Variants in HDAC8 observed in about 807,000 individuals in gnomAD.
The protein encoded by HDAC8 is histone deacetylase-like 1.
In HDAC8, 1 loss-of-function variant was observed where a neutral mutation model predicts 32.2. That is an observed-to-expected ratio of 0.03 (90% CI 0.01 to 0.15). HDAC8 has a LOEUF of 0.15. Among genes scored for constraint, HDAC8 ranks in the 10% least tolerant of loss-of-function variants. The pLI is 1.00. For synonymous variants in HDAC8, 108 were observed against 113.9 expected (o/e 0.95, Z 0.33); for missense variants, 117 against 300.0 (o/e 0.39, Z 4.51).
chrX:72,539,039 G>A (rs1025984925), intron 4 of HDAC8, among the ~76,000 whole-genome samples: 1 of 111,153 alleles, frequency 9.0e-6, no homozygotes, highest in Admixed American at 9.5e-5. Flanking sequence ...TCTGGGGACA[G>A]AAAAAGGACA....
chrX:72,475,774 A>G (rs1556000258), intron 7 of HDAC8, among the ~76,000 whole-genome samples: 1 of 111,876 alleles, frequency 8.9e-6, no homozygotes, highest in East Asian at 2.8e-4. Flanking sequence ...TGAAAGAAAA[A>G]AAAACAAATC....
chrX:72,535,315 T>C (rs1017009161), intron 4 of HDAC8, among the ~76,000 whole-genome samples: 6 of 111,695 alleles, frequency 5.4e-5, no homozygotes, highest in Non-Finnish European at 1.1e-4. Flanking sequence ...GTGAGAGGCA[T>C]ACCAGAGATA....
At chrX:72,386,882 G>A (rs1006608663) in intron 9 of HDAC8, among the ~76,000 whole-genome samples, 2 of 111,867 alleles carry the variant, frequency 1.8e-5, no homozygotes, top group Non-Finnish European at 3.8e-5. Context: ...CTGAGGGAAT[G>A]CGAAGTGGAG....
chrX:72,509,535 GATT>G (rs2049506386), intron 4 of HDAC8, among the ~76,000 whole-genome samples: 1 of 112,031 alleles, frequency 8.9e-6, no homozygotes, highest in African/African-American at 3.2e-5. Flanking sequence ...ACATAAAGTG[GATT>G]ATTATTCCGC....
chrX:72,420,274 T>C (rs1656561595), intron 9 of HDAC8, among the ~76,000 whole-genome samples: 1 of 111,806 alleles, frequency 8.9e-6, no homozygotes, highest in Admixed American at 9.5e-5. Context: ...ATCTCTTTAT[T>C]TGTTATAGAT....
Position 72,330,039 on chromosome X carries a change from ATC to A in HDAC8, c.*13_*14del, listed in dbSNP as rs2043472260. 8.3e-7 allele frequency: 1 copy of A among 1,200,731 alleles called. No homozygotes were observed. The highest frequency in any genetic ancestry group is 1.8e-5 in the African/African-American group (1 of 57,003). On this transcript the variant is annotated 3_prime_UTR_variant, in exon 11 of 11. Coordinates refer to ENST00000373573, the MANE Select transcript of HDAC8 (RefSeq NM_018486.3). The stretch of plus-strand genomic sequence containing the variant: ...ACCACTCCTCAGCTCTGGAAACCTG[ATC>A]TCTTTCTGTCAACTAGACCACATGC...
intron 9 of HDAC8, among the ~76,000 whole-genome samples, chrX:72,404,401 A>G (rs2045983780): frequency 9.0e-6 from 1 of 111,436 alleles, no homozygotes; most frequent in African/African-American, 3.3e-5. Context: ...CCATGACAAC[A>G]TGACTTGCTA....
At chrX:72,413,294 T>A (rs1162082742) in intron 9 of HDAC8, among the ~76,000 whole-genome samples, 2 of 73,468 alleles carry the variant, frequency 2.7e-5, no homozygotes, top group African/African-American at 5.5e-5. Flanking sequence ...CAGGCCCCGG[T>A]GTGTGATGTT....
intron 9 of HDAC8, among the ~76,000 whole-genome samples, chrX:72,445,742 C>T (rs1319746026): frequency 8.9e-6 from 1 of 111,823 alleles, no homozygotes; most frequent in African/African-American, 3.3e-5. Flanking sequence ...TCAGAGTGAA[C>T]AGTCAACCTA....
intron 5 of HDAC8, 60 bp downstream of exon 5, chrX:72,495,096 C>A: frequency 1.2e-6 from 1 of 816,099 alleles, no homozygotes; most frequent in East Asian, 3.3e-5. Context: ...CTAGAAGCAG[C>A]TTAACTGATA....
chrX:72,547,534 T>C (rs2050900768), intron 4 of HDAC8, among the ~76,000 whole-genome samples: 1 of 110,265 alleles, frequency 9.1e-6, no homozygotes, highest in Admixed American at 9.7e-5. Context: ...CTACTTCCAT[T>C]TCCAAATCTG....
intron 2 of HDAC8, among the ~76,000 whole-genome samples, chrX:72,570,005 T>C (rs140621935): frequency 0.011 from 1,244 of 112,403 alleles, 20 homozygotes; most frequent in African/African-American, 0.038. Flanking sequence ...TGGTTTTAAA[T>C]GTCTGCTGAA....
At chrX:72,342,636 C>T (rs1347965502) in intron 10 of HDAC8, among the ~76,000 whole-genome samples, 2 of 111,978 alleles carry the variant, frequency 1.8e-5, no homozygotes, top group African/African-American at 3.2e-5. Flanking sequence ...GCATGTACTT[C>T]GGGCACACAA....
intron 9 of HDAC8, among the ~76,000 whole-genome samples, chrX:72,402,173 CCTTT>C (rs1396400439): frequency 1.5e-4 from 17 of 110,862 alleles, no homozygotes; most frequent in Middle Eastern, 4.7e-3. Context: ...CTGTTATAAT[CCTTT>C]CTATTTCTGT....
chrX:72,331,488 C>T (rs2043522345), intron 10 of HDAC8, among the ~76,000 whole-genome samples: 1 of 111,521 alleles, frequency 9.0e-6, no homozygotes, highest in African/African-American at 3.3e-5. Context: ...CAGTCTGTAA[C>T]CTTTTAAGAT....
intron 9 of HDAC8, among the ~76,000 whole-genome samples, chrX:72,396,570 T>C (rs1190775746): frequency 8.9e-6 from 1 of 112,538 alleles, no homozygotes; most frequent in Non-Finnish European, 1.9e-5. Context: ...GTGAAAGGAT[T>C]AAATCAAGCA....
At chrX:72,443,126 G>A (rs782671867) in intron 9 of HDAC8, among the ~76,000 whole-genome samples, 32 of 110,494 alleles carry the variant, frequency 2.9e-4, no homozygotes, top group Admixed American at 8.7e-4. Context: ...AGACAGATCA[G>A]CGAGACAGAA....
intron 10 of HDAC8, among the ~76,000 whole-genome samples, chrX:72,346,779 C>A (rs1420735715): frequency 5.0e-5 from 3 of 59,602 alleles, no homozygotes; most frequent in East Asian, 5.6e-4. Context: ...GGGGAGGGGG[C>A]GGGGCCTAGG....
chrX:72,477,742 T>A (rs1317127863), intron 7 of HDAC8, among the ~76,000 whole-genome samples: 7 of 112,688 alleles, frequency 6.2e-5, no homozygotes, highest in Non-Finnish European at 1.3e-4. Context: ...GCACATAGAA[T>A]AACTCCAACT....
Sources: gnomAD v4.1 joint callset for allele counts (sites outside exome capture counted in the v4.1 genomes callset) on GRCh38, gnomAD v4.1.1 for gene constraint, MANE v1.5 for transcripts, NCBI Gene and HGNC (gene_info 2026-07-23, HGNC 2026-07-21) for gene names.